WAPL: variants seen among roughly 807,000 people sequenced by gnomAD.
WAPL encodes WAPL cohesin release factor, also known as wings apart-like protein homolog.
A neutral mutation model predicts 121.0 loss-of-function variants in WAPL; 5 were observed. The ratio of observed to expected loss-of-function variants is 0.04; its 90% CI spans 0.02 to 0.09. WAPL has a LOEUF of 0.09. Ranked by LOEUF, WAPL falls within the 10% of genes least tolerant of loss-of-function variation. The pLI, the probability that WAPL is intolerant of heterozygous loss-of-function variation, is 1.00. For synonymous variants in WAPL, 480 were observed against 481.5 expected, an observed-to-expected ratio of 1.00 and a Z score of 0.04; for missense variants, 999 against 1,410.8, an observed-to-expected ratio of 0.71 and a Z score of 4.68.
chr10:86,467,750 C>T (rs1341314397), intron 8 of WAPL, among the ~76,000 whole-genome samples: 1 of 150,654 alleles, frequency 6.6e-6, no homozygotes, highest in Non-Finnish European at 1.5e-5. Context: ...AATCTCGGCT[C>T]ACTGCAGCTT....
intron 4 of WAPL, among the ~76,000 whole-genome samples, chr10:86,482,473 G>A (rs1841813694): frequency 6.6e-6 from 1 of 152,170 alleles, no homozygotes; most frequent in Non-Finnish European, 1.5e-5. Flanking sequence ...AAGAAGCAAA[G>A]GACACACCTA....
At chr10:86,482,019 G>T (rs550112254) in intron 4 of WAPL, among the ~76,000 whole-genome samples, 1 of 152,248 alleles carries the variant, frequency 6.6e-6, no homozygotes, top group African/African-American at 2.4e-5. Context: ...ATAATCCCAA[G>T]TAATTTGTGA....
At chr10:86,498,024 C>T (rs1407116881) in intron 3 of WAPL, among the ~76,000 whole-genome samples, 1 of 152,154 alleles carries the variant, frequency 6.6e-6, no homozygotes, top group Non-Finnish European at 1.5e-5. Flanking sequence ...TATGAAGACT[C>T]AAATTTCAAC....
At position 86,452,058 on chromosome 10, in the gene WAPL, G is replaced by A. The variant is rs754307691; in HGVS notation, c.3023C>T (p.Ser1008Leu). 8 of 1,614,038 alleles carry A rather than the reference G, an allele frequency of 5.0e-6. No individual in the cohort carries two copies. The highest frequency in any genetic ancestry group is 5.9e-6 in the Non-Finnish European group (7 of 1,180,000). Residue 1008 changes from serine (S) to leucine (L), a missense_variant, in exon 15 of 19, where the codon TCG (serine) becomes TTG (leucine). This residue lies in a region of WAPL where 126 missense variants were observed against 144.0 expected (regional missense o/e 0.87). Coordinates refer to ENST00000298767, the MANE Select transcript of WAPL (RefSeq NM_015045.5). ...NRHCLVNMETSCSFDSSICSG... is the reference protein window; with the variant it reads ...NRHCLVNMETLCSFDSSICSG... The stretch of plus-strand genomic sequence containing the variant: ...ACAGATGGAAGAATCAAAAGAGCAC[G>A]ATGTTTCCATGTTGACAAGACAGTG...
intron 11 of WAPL, 124 bp downstream of exon 11, chr10:86,460,275 A>G (rs1841239368): frequency 1.4e-6 from 1 of 736,386 alleles, no homozygotes. Context: ...ATGTACTGCT[A>G]TTTCTATCTG....
intron 5 of WAPL, 28 bp downstream of exon 5, chr10:86,473,850 A>G: frequency 6.5e-7 from 1 of 1,541,932 alleles, no homozygotes; most frequent in South Asian, 1.1e-5. Flanking sequence ...ATTAAAAAAC[A>G]CAAAATAAAT....
intron 4 of WAPL, among the ~76,000 whole-genome samples, chr10:86,482,756 A>C (rs1375104021): frequency 6.6e-6 from 1 of 152,198 alleles, no homozygotes; most frequent in East Asian, 1.9e-4. Flanking sequence ...TTTGGGAAAA[A>C]GTAGGGATTC....
At chr10:86,487,478 A>C (rs183200918) in intron 4 of WAPL, among the ~76,000 whole-genome samples, 16 of 152,272 alleles carry the variant, frequency 1.1e-4, no homozygotes, top group African/African-American at 3.8e-4. Context: ...CTATGTTCTT[A>C]CTACAAGTTT....
At chr10:86,485,557 A>G (rs1292791612) in intron 4 of WAPL, among the ~76,000 whole-genome samples, 1 of 152,086 alleles carries the variant, frequency 6.6e-6, no homozygotes, top group Non-Finnish European at 1.5e-5. Context: ...AAAAAGATTA[A>G]CAGTACTTTC....
chr10:86,446,125 G>A, intron 16 of WAPL, 117 bp downstream of exon 16: 1 of 1,117,640 alleles, frequency 8.9e-7, no homozygotes, highest in South Asian at 1.5e-5. Context: ...GACTGAACTA[G>A]AGAGGTCCTC....
At chr10:86,457,534 T>G (rs1452298896) in intron 12 of WAPL, among the ~76,000 whole-genome samples, 1 of 151,836 alleles carries the variant, frequency 6.6e-6, no homozygotes, top group Non-Finnish European at 1.5e-5. Context: ...ACACCTGTTG[T>G]CCCAGCTATT....
At chr10:86,516,944 G>A (rs576627993) in intron 2 of WAPL, among the ~76,000 whole-genome samples, 8 of 152,078 alleles carry the variant, frequency 5.3e-5, no homozygotes, top group South Asian at 2.1e-4. Flanking sequence ...TTAGCCAGGC[G>A]TGGTGGCGGG....
At chr10:86,465,297 C>T (rs1841372636) in intron 9 of WAPL, among the ~76,000 whole-genome samples, 1 of 152,102 alleles carries the variant, frequency 6.6e-6, no homozygotes, top group Non-Finnish European at 1.5e-5. Flanking sequence ...CTCCTAGGTT[C>T]CAGGTTCAGG....
At chr10:86,519,496 A>AC (rs139188414) in intron 1 of WAPL, among the ~76,000 whole-genome samples, 5,864 of 150,042 alleles carry the variant, frequency 0.039, 351 homozygotes, top group African/African-American at 0.13. Flanking sequence ...TCAGTAGTAG[A>AC]CCCCCCCCCA....
Position 86,497,339 on chromosome 10 carries a change from T to G in WAPL, c.1526-20A>C. 6.5e-7 allele frequency: 1 copy of G among 1,547,068 alleles called. No homozygotes were observed. Among genetic ancestry groups the G allele is most frequent in the Middle Eastern group, 1.7e-4 (1 of 5,936 alleles). On this transcript the variant is annotated intron_variant, in intron 3 of 18. Coordinates refer to ENST00000298767, the MANE Select transcript of WAPL (RefSeq NM_015045.5). The stretch of plus-strand genomic sequence containing the variant: ...AGTTTTCTGAAATGGTAATCAAAAC[T>G]ATCTAGCTTACTAATATTTCAAATT...
chr10:86,461,186 A>G lies in WAPL; in HGVS notation c.2472T>C (p.Ile824=). Residue 824 remains isoleucine (I), a synonymous_variant, in exon 10 of 19, where the codon ATT becomes ATC. Transcript: ENST00000298767. ...ELRLLGGLDH[I]VDKVKECVDH... is the part of the protein sequence containing the mutation. ...ATGTAAATATCATACCTTTATCTAC[A>G]ATATGATCCAGACCACCCAAAAGCC... 1 of 1,610,732 alleles carries G rather than the reference A, an allele frequency of 6.2e-7. No individual in the cohort carries two copies.
At chr10:86,471,228 T>G (rs185279523) in intron 7 of WAPL, 125 bp from the exon 8 acceptor site, 179 of 615,930 alleles carry the variant, frequency 2.9e-4, no homozygotes, top group Non-Finnish European at 1.3e-4. Flanking sequence ...CCATACATGA[T>G]CACAATATAA....
intron 2 of WAPL, among the ~76,000 whole-genome samples, chr10:86,512,757 G>A (rs192890542): frequency 6.6e-6 from 1 of 152,356 alleles, no homozygotes; most frequent in East Asian, 1.9e-4. Context: ...AATCCAGGGA[G>A]TAAAGGATGG....
chr10:86,454,601 C>T (rs1327042640), intron 12 of WAPL, among the ~76,000 whole-genome samples: 1 of 152,240 alleles, frequency 6.6e-6, no homozygotes, highest in Non-Finnish European at 1.5e-5. Flanking sequence ...ACCTCCCAGC[C>T]GCCTGCCTTG....
Sources: allele counts gnomAD v4.1 joint callset (sites outside exome capture counted in the v4.1 genomes callset), GRCh38; gene constraint gnomAD v4.1.1; regional missense constraint gnomAD v4.1.1; transcripts MANE v1.5; gene names NCBI Gene and HGNC (gene_info 2026-07-23, HGNC 2026-07-21).